The following JCAD variants were observed in gnomAD, a reference collection of about 807,000 sequenced individuals.
JCAD encodes the protein junctional cadherin 5-associated protein.
JCAD carries 40 observed loss-of-function variants against 98.0 expected under a neutral mutation model. The ratio of observed to expected loss-of-function variants is 0.41; its 90% CI spans 0.32 to 0.53. The LOEUF is 0.53. Among genes scored for constraint, JCAD ranks in the 20% least tolerant of loss-of-function variants. JCAD has a pLI of 0.31. For synonymous variants in JCAD, 691 were observed against 682.3 expected, an observed-to-expected ratio of 1.01 and a Z score of -0.20; for missense variants, 1,705 against 1,738.1, an observed-to-expected ratio of 0.98 and a Z score of 0.34.
At chr10:30,051,060 T>G (rs941842572) in intron 1 of JCAD, among the ~76,000 whole-genome samples, 1 of 152,228 alleles carries the variant, frequency 6.6e-6, no homozygotes, top group Admixed American at 6.5e-5. Context: ...GCTACTAATT[T>G]AGGTTCACTC....
chr10:30,029,909 T>C (rs1589683309), intron 2 of JCAD, 43 bp from the exon 3 acceptor site: 3 of 1,545,098 alleles, frequency 1.9e-6, no homozygotes, highest in Admixed American at 2.0e-5. Context: ...AGAAGAAACA[T>C]GTCTTCATCT....
chr10:30,085,987 A>G (rs1838161002), intron 1 of JCAD, among the ~76,000 whole-genome samples: 1 of 152,214 alleles, frequency 6.6e-6, no homozygotes. Flanking sequence ...AAATTGGGTG[A>G]GTTGCAGGCA....
At chr10:30,063,041 G>A (rs911151909), upstream of JCAD, among the ~76,000 whole-genome samples, 11 of 152,034 alleles carry the variant, frequency 7.2e-5, no homozygotes, top group Admixed American at 2.0e-4. Flanking sequence ...TGGGCAAGAC[G>A]TGAGAGAAAC....
intron 1 of JCAD, among the ~76,000 whole-genome samples, chr10:30,072,574 G>C (rs949698416): frequency 5.9e-5 from 9 of 152,068 alleles, no homozygotes; most frequent in Admixed American, 2.0e-4. Flanking sequence ...TAAATTTATG[G>C]ATCATTTGAA....
Position 30,027,322 on chromosome 10 carries a change from A to G in JCAD, c.2826T>C (p.Gly942=). 1 of 1,613,644 alleles carries G rather than the reference A, an allele frequency of 6.2e-7. No individual in the cohort carries two copies. Residue 942 remains glycine (G), a synonymous_variant, in exon 3 of 4, where the codon GGT becomes GGC. Coordinates refer to ENST00000375377, the MANE Select transcript of JCAD (RefSeq NM_020848.4). ...TTCCATCTGCTGAGCAGAAAGGTGC[A>G]CCGCCACCTTCTTCCACGCGAAAGC... ...PGRFRVEEGG[G]APFCSADGST... is the part of the protein sequence containing the mutation.
At chr10:30,112,268 G>A (rs1838715609) in intron 1 of JCAD, among the ~76,000 whole-genome samples, 2 of 152,014 alleles carry the variant, frequency 1.3e-5, no homozygotes, top group African/African-American at 2.4e-5. Flanking sequence ...GAAGCCAGGA[G>A]TTCAAGACCA....
At chr10:30,034,079 C>T (rs1289178976) in intron 2 of JCAD, among the ~76,000 whole-genome samples, 3 of 151,520 alleles carry the variant, frequency 2.0e-5, no homozygotes, top group Admixed American at 6.6e-5. Context: ...AAAAATCGGC[C>T]GGGTGTGGTG....
intron 2 of JCAD, 65 bp from the exon 3 acceptor site, chr10:30,029,931 T>G: frequency 6.7e-7 from 1 of 1,497,388 alleles, no homozygotes; most frequent in Non-Finnish European, 8.9e-7. Flanking sequence ...CTTCTGTGAC[T>G]GGCATTCGAA....
chr10:30,100,498 C>G (rs1022587490), intron 1 of JCAD, among the ~76,000 whole-genome samples: 5 of 152,176 alleles, frequency 3.3e-5, no homozygotes, highest in Admixed American at 3.3e-4. Flanking sequence ...TCTCCTGCCT[C>G]AGCCTCCCAA....
intron 1 of JCAD, among the ~76,000 whole-genome samples, chr10:30,078,997 G>T (rs1345272458): frequency 3.9e-5 from 6 of 152,154 alleles, no homozygotes; most frequent in African/African-American, 9.7e-5. Flanking sequence ...CTGGCTCTAG[G>T]CTCGAGTGCT....
rs1294954228 is a variant in JCAD at position 30,026,402 on chromosome 10, G to A, written c.3746C>T (p.Ser1249Phe). The A allele has an allele frequency of 5.0e-6, 8 of 1,614,132 alleles. No homozygotes were observed. The highest frequency in any genetic ancestry group is 3.3e-5 in the Admixed American group (2 of 60,014). ...VIESLQEKLA[S>F]PPRRADPDRL... ...GTCAGGGTCTGCTCTCCTAGGCGGGGAGGCCAGTTTCTCTTGTAAACTTTC... is the reference window on the plus strand; with the variant it reads ...GTCAGGGTCTGCTCTCCTAGGCGGGAAGGCCAGTTTCTCTTGTAAACTTTC... The change falls in exon 3 of 4, where the codon TCC (serine) becomes TTC (phenylalanine). Residue 1249 changes from serine (S) to phenylalanine (F), a missense_variant. Physicochemically the swap from Ser to Phe is radical, Grantham distance 155. Transcript: ENST00000375377.
upstream of JCAD, among the ~76,000 whole-genome samples, chr10:30,062,678 G>C (rs375091084): frequency 6.6e-6 from 1 of 152,116 alleles, no homozygotes; most frequent in African/African-American, 2.4e-5. Context: ...GCAAAGGCGC[G>C]CCTTACGTGG....
intron 2 of JCAD, among the ~76,000 whole-genome samples, chr10:30,031,211 CA>C (rs1004440484): frequency 6.6e-6 from 1 of 152,110 alleles, no homozygotes; most frequent in Non-Finnish European, 1.5e-5. Context: ...ACTGCAGCCT[CA>C]AACTCCTGGG....
intron 1 of JCAD, among the ~76,000 whole-genome samples, chr10:30,112,393 C>T (rs924448317): frequency 2.4e-4 from 36 of 152,122 alleles, no homozygotes; most frequent in Admixed American, 2.3e-3. Context: ...ACAGGAAGAT[C>T]GATTGAGCCT....
Position 30,047,576 on chromosome 10 carries a change from G to A in JCAD, c.237C>T (p.His79=), listed in dbSNP as rs754705645. 6.8e-6 allele frequency: 11 copies of A among 1,614,058 alleles called. No individual in the cohort carries two copies. The highest frequency in any genetic ancestry group is 2.2e-5 in the South Asian group (2 of 91,060). The stretch of plus-strand genomic sequence containing the variant: ...AAGCAGAAGTGCTCTGGGGCTCCCC[G>A]TGGCCTCTCGGTGTGCTGCGGCGGC... The part of the protein sequence containing the change: ...SESRRSTPRG[H]GEPQSTSASR... Residue 79 remains histidine, a synonymous_variant, in exon 2 of 4, where the codon CAC becomes CAT. Transcript: ENST00000375377.
chr10:30,026,729 A>G lies in JCAD; in HGVS notation c.3419T>C (p.Val1140Ala). Residue 1140 changes from valine to alanine, a missense_variant, in exon 3 of 4, where the codon GTG (valine) becomes GCG (alanine). Transcript: ENST00000375377. ...CCTGCCATAAAAGGCATCAGTGGAC[A>G]CCCTGGGGACATCTGCCGGTGCTGG... ...SRPAPADVPR[V>A]STDAFYGRRK... 3 of 1,614,050 alleles carry G rather than the reference A, an allele frequency of 1.9e-6. No individual in the cohort carries two copies. The South Asian group carries it at 3.3e-5, about 18-fold the overall frequency.
intron 3 of JCAD, among the ~76,000 whole-genome samples, chr10:30,021,917 T>C (rs1836667382): frequency 6.6e-6 from 1 of 152,218 alleles, no homozygotes; most frequent in Non-Finnish European, 1.5e-5. Context: ...AGCCTTCTCA[T>C]GGCATGATCT....
At chr10:30,078,652 TC>T (rs1181044896) in intron 1 of JCAD, among the ~76,000 whole-genome samples, 1 of 152,154 alleles carries the variant, frequency 6.6e-6, no homozygotes, top group Non-Finnish European at 1.5e-5. Context: ...AACGAGTCGC[TC>T]CTTTAATGAT....
chr10:30,086,089 ATTAATTTTAATTTTTAAAATTAAAT>A (rs1564467821), intron 1 of JCAD, among the ~76,000 whole-genome samples: 1 of 152,172 alleles, frequency 6.6e-6, no homozygotes, highest in Non-Finnish European at 1.5e-5. Context: ...AAAAATTAAA[ATTAATTTTAATTTTTAAAATTAAAT>A]TTAAAACAAT....
Sources: allele counts gnomAD v4.1 joint callset (sites outside exome capture counted in the v4.1 genomes callset), GRCh38; gene constraint gnomAD v4.1.1; transcripts MANE v1.5; gene names NCBI Gene and HGNC (gene_info 2026-07-23, HGNC 2026-07-21).